WIPI2: variants seen among roughly 807,000 people sequenced by gnomAD.
WIPI2 encodes WD repeat domain, phosphoinositide interacting 2, also known as WD repeat domain phosphoinositide-interacting protein 2.
WIPI2 carries 28 observed loss-of-function variants against 52.3 expected under a neutral mutation model. The ratio of observed to expected loss-of-function variants is 0.54; its 90% CI spans 0.40 to 0.73. WIPI2 has a LOEUF of 0.73. Among genes scored for constraint, WIPI2 ranks in the 30% least tolerant of loss-of-function variants. The pLI is 0.00. For missense variants in WIPI2, 506 were observed against 602.9 expected (o/e 0.84, Z 1.68); for synonymous variants, 268 against 245.0 (o/e 1.09, Z -0.88).
chr7:5,230,454 G>C lies in WIPI2; in HGVS notation c.1253-381G>C, dbSNP rs933407985. Among the ~76,000 whole-genome samples the C allele has an allele frequency of 6.6e-6, 1 of 152,208 alleles. No homozygotes were observed. The highest frequency in any genetic ancestry group is 2.4e-5 in the African/African-American group (1 of 41,452). On this transcript the variant is annotated intron_variant, in intron 12 of 12. Coordinates refer to ENST00000288828, the MANE Select transcript of WIPI2 (RefSeq NM_015610.4). This position sits in a 1 kb window ranked among gnomAD's most constrained non-coding sequence, Gnocchi z 4.8. ...CACCCACGCAGGGCTGTGCCTGCTC[G>C]CTGCCACTCCCATCTGTGAACCGGC...
At chr7:5,198,076 C>T (rs1385519622) in intron 2 of WIPI2, among the ~76,000 whole-genome samples, 1 of 152,198 alleles carries the variant, frequency 6.6e-6, no homozygotes, top group Non-Finnish European at 1.5e-5. Flanking sequence ...AGTATGGACT[C>T]ATAAACGCAA....
At chr7:5,190,634 C>A in intron 1 of WIPI2, 141 bp downstream of exon 1, 1 of 838,502 alleles carries the variant, frequency 1.2e-6, no homozygotes, top group Non-Finnish European at 1.6e-6. Flanking sequence ...TCCCCAGGGG[C>A]GGGCCCGGGG....
intron 7 of WIPI2, among the ~76,000 whole-genome samples, chr7:5,221,924 G>A (rs968369790): frequency 8.5e-4 from 129 of 151,400 alleles, no homozygotes; most frequent in African/African-American, 1.9e-3. Flanking sequence ...GGTCTTGCCC[G>A]TGTACCACAC....
intron 3 of WIPI2, among the ~76,000 whole-genome samples, chr7:5,205,514 C>G (rs1372210917): frequency 6.6e-6 from 1 of 152,122 alleles, no homozygotes; most frequent in Admixed American, 6.6e-5. Flanking sequence ...TGCAGTTGGC[C>G]GTCACACTTA....
intron 8 of WIPI2, chr7:5,222,883 C>T (rs1562404742): frequency 6.0e-6 from 3 of 500,052 alleles, no homozygotes; most frequent in South Asian, 2.1e-5. Context: ...TGTTTGCGAT[C>T]CCACCAGCTA....
intron 3 of WIPI2, among the ~76,000 whole-genome samples, chr7:5,205,439 C>T (rs1016502925): frequency 6.6e-6 from 1 of 152,192 alleles, no homozygotes; most frequent in Non-Finnish European, 1.5e-5. Flanking sequence ...CAGTGTTTAG[C>T]ATATGGTTTC....
intron 7 of WIPI2, 74 bp from the exon 8 acceptor site, chr7:5,222,528 C>A: frequency 6.9e-7 from 1 of 1,456,138 alleles, no homozygotes; most frequent in Non-Finnish European, 9.6e-7. Context: ...GGCGCATTTG[C>A]AGTCTGCTGT....
chr7:5,228,247 G>A (rs748431842), intron 11 of WIPI2, 36 bp downstream of exon 11: 55 of 1,563,220 alleles, frequency 3.5e-5, no homozygotes, highest in South Asian at 3.1e-4. Flanking sequence ...GAGCTGCTCC[G>A]TGCTGGCGGG....
intron 7 of WIPI2, 193 bp downstream of exon 7, chr7:5,218,207 G>C (rs966686239): frequency 3.5e-6 from 2 of 563,750 alleles, no homozygotes; most frequent in African/African-American, 3.8e-5. Context: ...GTGCCACTGG[G>C]ACGGGAGAGC....
rs1037137542 is a variant in WIPI2 at position 5,231,940 on chromosome 7, G to A, written c.*993G>A. The A allele has an allele frequency of 1.7e-5, 6 of 354,030 alleles. No homozygotes were observed. The highest frequency in any genetic ancestry group is 9.5e-5 in the Admixed American group (2 of 21,154). The allele number at this position is 354,030 out of a possible 1,614,324, so 21.9% of individuals were successfully genotyped here. On this transcript the variant is annotated 3_prime_UTR_variant, in exon 13 of 13. Transcript: ENST00000288828. Reference sequence around the variant, plus strand: ...GGCTGGGCCACGTCCTTCACAGGGCGTCATGTGCCTTTCTATTTTCATCTT... The same window carrying A: ...GGCTGGGCCACGTCCTTCACAGGGCATCATGTGCCTTTCTATTTTCATCTT...
rs1400390933 is a variant in WIPI2, at chr7:5,231,939, C to T, written c.*992C>T. On this transcript the variant is annotated 3_prime_UTR_variant, in exon 13 of 13. Coordinates refer to ENST00000288828, the MANE Select transcript of WIPI2 (RefSeq NM_015610.4). ...CGGCTGGGCCACGTCCTTCACAGGGCGTCATGTGCCTTTCTATTTTCATCT... is the reference window on the plus strand; with the variant it reads ...CGGCTGGGCCACGTCCTTCACAGGGTGTCATGTGCCTTTCTATTTTCATCT... 5.7e-6 allele frequency: 2 copies of T among 352,162 alleles called. No homozygotes were observed. Among genetic ancestry groups the T allele is most frequent in the Non-Finnish European group, 1.0e-5 (2 of 196,776 alleles). 21.8% of individuals were successfully genotyped at this position (352,162 alleles called of 1,614,324 possible). A position where few individuals can be genotyped will look rare whatever the true frequency, so the allele number is the denominator to read the frequency against.
chr7:5,197,666 C>T (rs1025231157), intron 2 of WIPI2, among the ~76,000 whole-genome samples: 14 of 152,232 alleles, frequency 9.2e-5, no homozygotes, highest in African/African-American at 3.1e-4. Flanking sequence ...ACATTTCTTC[C>T]ACATACGTGT....
chr7:5,224,247 T>C (rs1783305863), intron 8 of WIPI2, among the ~76,000 whole-genome samples: 1 of 152,258 alleles, frequency 6.6e-6, no homozygotes, highest in East Asian at 1.9e-4. Flanking sequence ...TCTGGTGGCC[T>C]GGCCGGCTTC....
chr7:5,223,280 T>C (rs1486931598), intron 8 of WIPI2, among the ~76,000 whole-genome samples: 2 of 152,178 alleles, frequency 1.3e-5, no homozygotes, highest in African/African-American at 4.8e-5. Context: ...GGGAGCACTT[T>C]CAGTCGCATG....
rs1324453004 is a variant in WIPI2, at chr7:5,214,686, T to C, written c.363T>C (p.Ala121=). 6 of 1,614,174 alleles carry C rather than the reference T, an allele frequency of 3.7e-6. No individual in the cohort carries two copies. The Admixed American group carries it at 5.0e-5, about 13-fold the overall frequency. ...ACAGCTACTCCAACACGATTCTGGC[T>C]GTGAAGCTCAACAGGCAGGTGAGCG... The part of the protein sequence containing the change: ...CNYSYSNTIL[A]VKLNRQRLIV... Residue 121 remains alanine, a synonymous_variant, in exon 4 of 13, where the codon GCT becomes GCC. Transcript: ENST00000288828.
intron 7 of WIPI2, among the ~76,000 whole-genome samples, chr7:5,220,812 T>TTG (rs1312697335): frequency 6.6e-6 from 1 of 151,912 alleles, no homozygotes; most frequent in East Asian, 1.9e-4. Context: ...TTTCTTTTTT[T>TTG]TGAGACAGAG....
chr7:5,229,804 C>T (rs762127584), intron 12 of WIPI2, 66 bp downstream of exon 12: 417 of 1,587,902 alleles, frequency 2.6e-4, no homozygotes, highest in Middle Eastern at 1.3e-3. Context: ...CTGCCTTCTG[C>T]TGGCTCCGGA....
chr7:5,200,499 A>G (rs965348458), intron 3 of WIPI2, among the ~76,000 whole-genome samples: 3 of 150,938 alleles, frequency 2.0e-5, no homozygotes, highest in Admixed American at 6.6e-5. Context: ...TCCTGAGCAC[A>G]CTCTCCAGTC....
chr7:5,230,752 C>G lies in WIPI2; in HGVS notation c.1253-83C>G, dbSNP rs948333297. ...AGTTTATAAATATACACCAGTGTTTCCAAAACACAGTCCTCAGTGTGTGTC... is the reference window on the plus strand; with the variant it reads ...AGTTTATAAATATACACCAGTGTTTGCAAAACACAGTCCTCAGTGTGTGTC... On this transcript the variant is annotated intron_variant, in intron 12 of 12. Transcript: ENST00000288828. The surrounding 1 kb of genome is among the most constrained non-coding windows in gnomAD (Gnocchi z 4.8). 2 of 1,007,546 alleles carry G rather than the reference C, an allele frequency of 2.0e-6. No homozygotes were observed. The allele number at this position is 1,007,546 out of a possible 1,614,324, so 62.4% of individuals were successfully genotyped here.
Sources: allele counts gnomAD v4.1 joint callset (sites outside exome capture counted in the v4.1 genomes callset), GRCh38; gene constraint gnomAD v4.1.1; non-coding constraint Gnocchi (gnomAD v3.1); transcripts MANE v1.5; gene names NCBI Gene and HGNC (gene_info 2026-07-23, HGNC 2026-07-21).